Variants in ARMC1 observed in about 807,000 individuals in gnomAD.
The protein encoded by ARMC1 is armadillo repeat containing 1.
In ARMC1, 16 loss-of-function variants were observed where a neutral mutation model predicts 31.4. The observed-to-expected ratio is 0.51, with a 90% CI of 0.34 to 0.77. The LOEUF is 0.77. Ranked by LOEUF, ARMC1 falls within the 30% of genes least tolerant of loss-of-function variation. ARMC1 has a pLI of 0.01. For synonymous variants in ARMC1, 114 were observed against 118.9 expected, an observed-to-expected ratio of 0.96 and a Z score of 0.27; for missense variants, 259 against 347.5, an observed-to-expected ratio of 0.75 and a Z score of 2.02.
intron 1 of ARMC1, among the ~76,000 whole-genome samples, chr8:65,630,222 T>C (rs1224682383): frequency 6.6e-6 from 1 of 152,192 alleles, no homozygotes; most frequent in African/African-American, 2.4e-5. Flanking sequence ...GTGATAGATA[T>C]GTTAACTAGC....
Position 65,627,375 on chromosome 8 carries a change from CATG to C in ARMC1, c.21_23del (p.Met8del). The C allele has an allele frequency of 1.3e-6, 2 of 1,589,964 alleles. No individual in the cohort carries two copies. The highest frequency in any genetic ancestry group is 1.7e-6 in the Non-Finnish European group (2 of 1,167,264). On this transcript the variant is annotated inframe_deletion, in exon 2 of 7. Coordinates refer to ENST00000276569, the MANE Select transcript of ARMC1 (RefSeq NM_018120.6). ...CCGATAGAGCGTCAGGCTCTTCACT[CATG>C]GTGGAAGTGGAAGAATTCATCTTCT...
chr8:65,614,726 T>C (rs1808214483), intron 3 of ARMC1, among the ~76,000 whole-genome samples: 1 of 152,216 alleles, frequency 6.6e-6, no homozygotes. Context: ...TGCATTTTTA[T>C]ATGTTCTTTG....
Position 65,613,401 on chromosome 8 carries a change from G to A in ARMC1, c.308C>T (p.Ala103Val), listed in dbSNP as rs1424321926. Residue 103 changes from alanine (A) to valine (V), a missense_variant, in exon 4 of 7, where the codon GCC becomes GTC. Ala to Val is a moderately conservative substitution (Grantham distance 64). Transcript: ENST00000276569. Reference sequence around the variant, plus strand: ...CTGAAGAATGTCATAGATTTCAGAGGCCAGAAGTTTTGTTTCTCCTGGAGT... The same window carrying A: ...CTGAAGAATGTCATAGATTTCAGAGACCAGAAGTTTTGTTTCTCCTGGAGT... ...TTTPGETKLL[A>V]SEIYDILQSS... The A allele has an allele frequency of 1.3e-6, 2 of 1,599,110 alleles. No individual in the cohort carries two copies. Among genetic ancestry groups the A allele is most frequent in the Non-Finnish European group, 1.7e-6 (2 of 1,174,188 alleles).
At position 65,627,354 on chromosome 8, in the gene ARMC1, T is replaced by G. The variant is rs755851726; in HGVS notation, c.45A>C (p.Leu15=). 1 of 1,611,856 alleles carries G rather than the reference T, an allele frequency of 6.2e-7. No homozygotes were observed. Among genetic ancestry groups the G allele is most frequent in the South Asian group, 1.1e-5 (1 of 90,826 alleles). The change falls in exon 2 of 7, where the codon CTA becomes CTC. Residue 15 remains leucine, a synonymous_variant. Transcript: ENST00000276569. ...GATCCCGTAACTGGTTAACTACCGA[T>G]AGAGCGTCAGGCTCTTCACTCATGG... is the stretch of plus-strand genomic sequence containing the variant. ...TSTMSEEPDA[L]SVVNQLRDLA... is the part of the protein sequence containing the mutation.
At chr8:65,621,383 G>A (rs1563417714) in intron 3 of ARMC1, among the ~76,000 whole-genome samples, 1 of 152,016 alleles carries the variant, frequency 6.6e-6, no homozygotes, top group Non-Finnish European at 1.5e-5. Context: ...TAGCTACTGA[G>A]GCTACTCACA....
At chr8:65,623,437 C>T (rs532821516) in intron 2 of ARMC1, among the ~76,000 whole-genome samples, 12 of 151,916 alleles carry the variant, frequency 7.9e-5, no homozygotes, top group African/African-American at 2.4e-4. Flanking sequence ...GGCAAAACCC[C>T]GTTTCTACTA....
chr8:65,613,171 A>C, intron 4 of ARMC1, 73 bp downstream of exon 4: 1 of 1,233,936 alleles, frequency 8.1e-7, no homozygotes, highest in South Asian at 1.7e-5. Context: ...TTATTCTCAA[A>C]GACTGTTAGC....
In ARMC1 at chr8:65,631,331, T is replaced by C. The variant is rs182997113; in HGVS notation, c.-36+2667A>G. 2.6e-5 allele frequency among the ~76,000 whole-genome samples: 4 copies of C among 152,180 alleles called. No individual in the cohort carries two copies. In the East Asian group the frequency reaches 7.7e-4, roughly 29 times the overall value. The stretch of plus-strand genomic sequence containing the variant: ...CTTATCACAACCTCTGCCTCTCAGG[T>C]TCAAGCAATTCTCCTGCCTCAACCT... On this transcript the variant is annotated intron_variant, in intron 1 of 6. Transcript: ENST00000276569.
intron 3 of ARMC1, among the ~76,000 whole-genome samples, chr8:65,617,607 A>T (rs910142875): frequency 6.6e-6 from 1 of 150,444 alleles, no homozygotes; most frequent in East Asian, 1.9e-4. Flanking sequence ...AACACCCAAG[A>T]ATGATCAATT....
rs187986683 is a variant in ARMC1, at chr8:65,619,644, C to T, written c.275+2619G>A. On this transcript the variant is annotated intron_variant, in intron 3 of 6. Coordinates refer to ENST00000276569, the MANE Select transcript of ARMC1 (RefSeq NM_018120.6). Reference sequence around the variant, plus strand: ...GGAGGATCACTTGAGTCCAGGAGTTCGAAACCAGTCTAGGCAACATGTCAA... The same window carrying T: ...GGAGGATCACTTGAGTCCAGGAGTTTGAAACCAGTCTAGGCAACATGTCAA... Among the ~76,000 whole-genome samples, 27 of 151,774 alleles carry T rather than the reference C, an allele frequency of 1.8e-4. 1 individual carries two copies. In the East Asian group the frequency reaches 4.8e-3, roughly 27 times the overall value.
rs1025632319 is a variant in ARMC1 at position 65,604,391 on chromosome 8, A to C, written c.*3T>G. 1.1e-5 allele frequency: 18 copies of C among 1,612,762 alleles called. No homozygotes were observed. The African/African-American group carries it at 2.3e-4, about 20-fold the overall frequency. ...CACACAGTCCTTGAGCCCAAAAGTG[A>C]AGTCACCAATAAAATGATCTGGATA... On this transcript the variant is annotated 3_prime_UTR_variant, in exon 7 of 7. Transcript: ENST00000276569.
chr8:65,612,625 G>A (rs2129041732), intron 4 of ARMC1, among the ~76,000 whole-genome samples: 1 of 152,070 alleles, frequency 6.6e-6, no homozygotes, highest in East Asian at 1.9e-4. Context: ...CACTTTGGGA[G>A]GCTGAGGCAG....
At chr8:65,628,600 G>T (rs1446629484) in intron 1 of ARMC1, among the ~76,000 whole-genome samples, 3 of 150,034 alleles carry the variant, frequency 2.0e-5, no homozygotes, top group Non-Finnish European at 4.4e-5. Context: ...GCTCATGCCT[G>T]TAATCCCAGC....
chr8:65,620,429 G>A (rs1261731323), intron 3 of ARMC1, among the ~76,000 whole-genome samples: 1 of 150,928 alleles, frequency 6.6e-6, no homozygotes, highest in African/African-American at 2.4e-5. Context: ...AGCCTCCTGA[G>A]TAGCTGGGAT....
chr8:65,609,766 G>A (rs1808083484), intron 4 of ARMC1, among the ~76,000 whole-genome samples: 1 of 150,358 alleles, frequency 6.7e-6, no homozygotes, highest in South Asian at 2.1e-4. Flanking sequence ...GCTGAGGCAG[G>A]AGAATCATTT....
At position 65,602,935 on chromosome 8, in the gene ARMC1, A is replaced by T. The variant is rs1282888592; in HGVS notation, c.*1459T>A. On this transcript the variant is annotated 3_prime_UTR_variant, in exon 7 of 7. Transcript: ENST00000276569. ...TTAACTCTCTCTCCAGAAGGTGACA[A>T]TGTTAGTGAACTCAAGACTCTCACT... 1 of 152,056 alleles carries T rather than the reference A, an allele frequency of 6.6e-6. No homozygotes were observed. 9.4% of individuals were successfully genotyped at this position (152,056 alleles called of 1,614,324 possible). A position where few individuals can be genotyped will look rare whatever the true frequency, so the allele number is the denominator to read the frequency against.
At position 65,603,268 on chromosome 8, in the gene ARMC1, CT is replaced by C. The variant is rs1807932193; in HGVS notation, c.*1125del. ...CTTACCTTCACTGAAGTTCTTTTTT[CT>C]GGCTGGACATGAGAAACAGGATTAA... On this transcript the variant is annotated 3_prime_UTR_variant, in exon 7 of 7. Transcript: ENST00000276569. The C allele has an allele frequency of 2.0e-5, 3 of 152,028 alleles. No individual in the cohort carries two copies. The highest frequency in any genetic ancestry group is 2.9e-5 in the Non-Finnish European group (2 of 67,988). The allele number at this position is 152,028 out of a possible 1,614,324, so 9.4% of individuals were successfully genotyped here.
intron 3 of ARMC1, among the ~76,000 whole-genome samples, chr8:65,615,803 G>C (rs1808238329): frequency 1.3e-5 from 2 of 152,116 alleles, no homozygotes; most frequent in Non-Finnish European, 2.9e-5. Flanking sequence ...GTGGAGGCAG[G>C]AGAATCACTT....
chr8:65,627,181 T>C (rs772651123), intron 2 of ARMC1, 35 bp downstream of exon 2: 3 of 1,514,698 alleles, frequency 2.0e-6, no homozygotes, highest in African/African-American at 2.8e-5. Flanking sequence ...ACTGCAAAAA[T>C]AGAACAGAGA....
Sources: gnomAD v4.1 joint callset for allele counts (sites outside exome capture counted in the v4.1 genomes callset) on GRCh38, gnomAD v4.1.1 for gene constraint, MANE v1.5 for transcripts, NCBI Gene and HGNC (gene_info 2026-07-23, HGNC 2026-07-21) for gene names.